CHRM3: variants seen among roughly 807,000 people sequenced by gnomAD.
CHRM3 encodes cholinergic receptor muscarinic 3.
A neutral mutation model predicts 41.8 loss-of-function variants in CHRM3; 11 were observed. The observed-to-expected ratio is 0.26, with a 90% CI of 0.17 to 0.44. The LOEUF (loss-of-function observed/expected upper bound fraction) is 0.44, where lower values mean the gene tolerates loss of function less well. Ranked by LOEUF, CHRM3 falls within the 20% of genes least tolerant of loss-of-function variation. The probability of loss-of-function intolerance (pLI) is 1.00; values close to 1 mark genes in which losing one functional copy is unlikely to be tolerated. For synonymous variants in CHRM3, 297 were observed against 301.4 expected (o/e 0.99, Z 0.15); for missense variants, 571 against 745.4 (o/e 0.77, Z 2.72).
At chr1:239,815,114 C>T (rs1421680575) in intron 5 of CHRM3, among the ~76,000 whole-genome samples, 1 of 152,128 alleles carries the variant, frequency 6.6e-6, no homozygotes, top group East Asian at 1.9e-4. Flanking sequence ...TGGCAAAGTA[C>T]CCATTGATCT....
chr1:239,604,477 T>C (rs1181844579), intron 3 of CHRM3, among the ~76,000 whole-genome samples: 2 of 152,230 alleles, frequency 1.3e-5, no homozygotes, highest in African/African-American at 4.8e-5. Context: ...AATGGAAAGA[T>C]TGTCTATAGT....
At chr1:239,389,507 A>T (rs1033499730) in intron 1 of CHRM3, among the ~76,000 whole-genome samples, 1 of 152,228 alleles carries the variant, frequency 6.6e-6, no homozygotes, top group Non-Finnish European at 1.5e-5. Flanking sequence ...AAAATTTGTT[A>T]TAAATTAGAG....
chr1:239,853,009 A>G (rs919458202), intron 6 of CHRM3, among the ~76,000 whole-genome samples: 4 of 151,928 alleles, frequency 2.6e-5, no homozygotes, highest in Non-Finnish European at 2.9e-5. Flanking sequence ...TCTGTGTTCA[A>G]ATGAATTTAT....
chr1:239,585,599 G>T (rs1278759698), intron 3 of CHRM3, among the ~76,000 whole-genome samples: 2 of 152,176 alleles, frequency 1.3e-5, no homozygotes, highest in Non-Finnish European at 2.9e-5. Flanking sequence ...ATGGTCCAGT[G>T]TAGCTGCAAC....
chr1:239,864,536 A>G (rs1003269507), intron 6 of CHRM3, among the ~76,000 whole-genome samples: 2 of 143,372 alleles, frequency 1.4e-5, no homozygotes, highest in East Asian at 1.9e-4. Context: ...ACACACACAC[A>G]CACACACACG....
At chr1:239,647,668 C>T (rs1453347649) in intron 4 of CHRM3, among the ~76,000 whole-genome samples, 3 of 152,136 alleles carry the variant, frequency 2.0e-5, no homozygotes, top group Admixed American at 6.6e-5. Flanking sequence ...TGGACAGCTC[C>T]ACATGGGTTT....
At chr1:239,417,854 A>C (rs1347364504) in intron 1 of CHRM3, among the ~76,000 whole-genome samples, 2 of 152,168 alleles carry the variant, frequency 1.3e-5, no homozygotes, top group Non-Finnish European at 2.9e-5. Flanking sequence ...ACTTTTTGTG[A>C]CTATTTGACA....
intron 3 of CHRM3, among the ~76,000 whole-genome samples, chr1:239,612,983 G>A (rs1359622278): frequency 1.3e-5 from 2 of 152,158 alleles, no homozygotes; most frequent in Non-Finnish European, 2.9e-5. Flanking sequence ...AATTTCATGA[G>A]GTAATTAATG....
intron 1 of CHRM3, among the ~76,000 whole-genome samples, chr1:239,453,393 A>G (rs1368197758): frequency 6.6e-6 from 1 of 152,236 alleles, no homozygotes; most frequent in African/African-American, 2.4e-5. Context: ...AGCTAAGCTA[A>G]AATACCTCTT....
intron 3 of CHRM3, among the ~76,000 whole-genome samples, chr1:239,593,560 A>G (rs991628957): frequency 6.6e-6 from 1 of 152,182 alleles, no homozygotes; most frequent in Non-Finnish European, 1.5e-5. Context: ...GTTGTCATTC[A>G]ATATTTAGTT....
intron 3 of CHRM3, among the ~76,000 whole-genome samples, chr1:239,576,594 GCACACACACA>G (rs3063538): frequency 1.4e-5 from 2 of 141,682 alleles, no homozygotes; most frequent in Non-Finnish European, 3.1e-5. Context: ...ACACACACAC[GCACACACACA>G]CACACACACA....
intron 6 of CHRM3, among the ~76,000 whole-genome samples, chr1:239,846,325 C>A (rs1419909449): frequency 6.6e-6 from 1 of 152,064 alleles, no homozygotes; most frequent in African/African-American, 2.4e-5. Context: ...GAACATATAT[C>A]TAGTCATAAA....
At chr1:239,770,218 C>T (rs1257481700) in intron 5 of CHRM3, among the ~76,000 whole-genome samples, 1 of 152,030 alleles carries the variant, frequency 6.6e-6, no homozygotes, top group African/African-American at 2.4e-5. Flanking sequence ...ATTCACGGGA[C>T]GTAGGTTTGT....
At chr1:239,630,933 G>A (rs1304723433) in intron 3 of CHRM3, among the ~76,000 whole-genome samples, 1 of 152,108 alleles carries the variant, frequency 6.6e-6, no homozygotes, top group East Asian at 1.9e-4. Flanking sequence ...TCTTGGGAGA[G>A]GAGGAGTCTG....
intron 1 of CHRM3, among the ~76,000 whole-genome samples, chr1:239,463,106 C>T (rs1665475628): frequency 6.6e-6 from 1 of 152,148 alleles, no homozygotes; most frequent in Non-Finnish European, 1.5e-5. Context: ...GGAATAGTCA[C>T]ACCTCCTTAT....
intron 5 of CHRM3, among the ~76,000 whole-genome samples, chr1:239,741,755 G>A (rs920703851): frequency 9.9e-5 from 15 of 152,114 alleles, no homozygotes; most frequent in Admixed American, 7.9e-4. Flanking sequence ...AAAAACCCAC[G>A]TCTTATATTT....
At chr1:239,501,741 C>A (rs935283568) in intron 2 of CHRM3, among the ~76,000 whole-genome samples, 1 of 151,992 alleles carries the variant, frequency 6.6e-6, no homozygotes. Flanking sequence ...GCCTGTAGTC[C>A]CAGCTAGTCA....
intron 5 of CHRM3, among the ~76,000 whole-genome samples, chr1:239,810,609 T>C (rs1352883302): frequency 1.3e-5 from 2 of 152,236 alleles, no homozygotes; most frequent in African/African-American, 4.8e-5. Flanking sequence ...TTACTGGAAG[T>C]TGCATTTTCC....
chr1:239,781,010 ATC>A (rs1404519691), intron 5 of CHRM3, among the ~76,000 whole-genome samples: 2 of 152,122 alleles, frequency 1.3e-5, no homozygotes, highest in African/African-American at 4.8e-5. Flanking sequence ...TGTCTTGATT[ATC>A]TTTTAACAGG....
Sources: allele counts gnomAD v4.1 joint callset (sites outside exome capture counted in the v4.1 genomes callset), GRCh38; gene constraint gnomAD v4.1.1; transcripts MANE v1.5; gene names NCBI Gene and HGNC (gene_info 2026-07-23, HGNC 2026-07-21).